Variants in STON1 observed in about 807,000 individuals in gnomAD.
The protein encoded by STON1 is stonin-1.
In STON1, 79 loss-of-function variants were observed where a neutral mutation model predicts 60.9. The ratio of observed to expected loss-of-function variants is 1.30; its 90% CI spans 1.08 to 1.56. The LOEUF (loss-of-function observed/expected upper bound fraction) is 1.56, where lower values mean the gene tolerates loss of function less well. STON1 is among the 40% of genes most tolerant of loss of function. The pLI is 0.00. For missense variants in STON1, 1,166 were observed against 858.9 expected (o/e 1.36, Z -4.47); for synonymous variants, 363 against 306.9 (o/e 1.18, Z -1.91).
At chr2:48,574,844 C>T (rs1345497330) in intron 1 of STON1, among the ~76,000 whole-genome samples, 1 of 152,150 alleles carries the variant, frequency 6.6e-6, no homozygotes, top group Non-Finnish European at 1.5e-5. Context: ...AAATGTATTT[C>T]AGTTTTATTC....
intron 1 of STON1, among the ~76,000 whole-genome samples, chr2:48,548,153 G>A (rs986830770): frequency 6.6e-6 from 1 of 152,154 alleles, no homozygotes; most frequent in South Asian, 2.1e-4. Flanking sequence ...GCTTGGCCAG[G>A]GCCTTTCTAG....
chr2:48,591,422 G>A (rs530915667), intron 2 of STON1, among the ~76,000 whole-genome samples: 4 of 151,898 alleles, frequency 2.6e-5, no homozygotes, highest in Admixed American at 1.3e-4. Context: ...ATTCAAAATA[G>A]TAATGAAGTT....
At chr2:48,584,646 G>C (rs765008557) in intron 2 of STON1, among the ~76,000 whole-genome samples, 1 of 151,184 alleles carries the variant, frequency 6.6e-6, no homozygotes, top group African/African-American at 2.4e-5. Flanking sequence ...TAATTAAATC[G>C]GAATCTCTGG....
At chr2:48,534,792 G>T (rs1234891414) in intron 1 of STON1, among the ~76,000 whole-genome samples, 1 of 152,178 alleles carries the variant, frequency 6.6e-6, no homozygotes, top group Non-Finnish European at 1.5e-5. Flanking sequence ...CTAAGAGGGG[G>T]TGAGGAGGGA....
intron 1 of STON1, among the ~76,000 whole-genome samples, chr2:48,560,304 G>A (rs146467884): frequency 5.4e-4 from 82 of 152,274 alleles, no homozygotes; most frequent in African/African-American, 1.9e-3. Context: ...ACTTGATCTC[G>A]CATCATTTTC....
intron 1 of STON1, among the ~76,000 whole-genome samples, chr2:48,533,611 A>G (rs1205393651): frequency 6.7e-6 from 1 of 148,812 alleles, no homozygotes. Flanking sequence ...GCAGGGAGCC[A>G]AGATTGTGCC....
chr2:48,578,648 G>C (rs1159634952), intron 1 of STON1, among the ~76,000 whole-genome samples: 1 of 131,600 alleles, frequency 7.6e-6, no homozygotes, highest in African/African-American at 2.9e-5. Flanking sequence ...GAGTGCAATG[G>C]TGCAATCTCA....
intron 1 of STON1, among the ~76,000 whole-genome samples, chr2:48,572,194 A>G (rs1673246179): frequency 6.6e-6 from 1 of 152,128 alleles, no homozygotes; most frequent in East Asian, 1.9e-4. Context: ...ATAAAGGAAG[A>G]TAGCAAGAGA....
chr2:48,592,375 A>T (rs1222577393), intron 3 of STON1, among the ~76,000 whole-genome samples: 2 of 151,106 alleles, frequency 1.3e-5, no homozygotes, highest in African/African-American at 2.4e-5. Flanking sequence ...TATCTTGTGG[A>T]ATAGTGTTCT....
At chr2:48,566,176 A>T (rs6741341) in intron 1 of STON1, among the ~76,000 whole-genome samples, 50,972 of 151,902 alleles carry the variant, frequency 0.34, 8,702 homozygotes, top group East Asian at 0.4. Flanking sequence ...GACTGGGCAT[A>T]TTAGTTTTTA....
intron 1 of STON1, among the ~76,000 whole-genome samples, chr2:48,565,220 T>C (rs1387187145): frequency 6.6e-6 from 1 of 151,284 alleles, no homozygotes; most frequent in Non-Finnish European, 1.5e-5. Flanking sequence ...GCCCGGCTAA[T>C]TTTTTGTATT....
chr2:48,540,591 C>G (rs1425554118), intron 1 of STON1, among the ~76,000 whole-genome samples: 4 of 152,234 alleles, frequency 2.6e-5, no homozygotes, highest in East Asian at 3.8e-4. Flanking sequence ...ATCCGCTTAT[C>G]TGTATCTTTC....
At chr2:48,565,510 A>C (rs1672903590) in intron 1 of STON1, among the ~76,000 whole-genome samples, 1 of 152,180 alleles carries the variant, frequency 6.6e-6, no homozygotes, top group Non-Finnish European at 1.5e-5. Context: ...ATAACAAAGG[A>C]GGATCCCTGA....
intron 1 of STON1, among the ~76,000 whole-genome samples, chr2:48,559,418 A>C (rs988448311): frequency 3.9e-5 from 6 of 152,262 alleles, no homozygotes; most frequent in Non-Finnish European, 8.8e-5. Context: ...AGATGGCGGA[A>C]GGGACAAACA....
In STON1 at chr2:48,581,475, G is replaced by A. The variant is rs749484847; in HGVS notation, c.842G>A (p.Arg281Lys). ...QPKSGWSFML[R>K]IPEKKNMMSS... ...AAATCCGGATGGTCTTTCATGCTGA[G>A]AATTCCTGAGAAGAAGAATATGATG... Residue 281 changes from arginine (R) to lysine (K), a missense_variant, in exon 2 of 4, where the codon AGA (arginine) becomes AAA (lysine). Arg to Lys is a conservative substitution (Grantham distance 26). Transcript: ENST00000404752. 1.9e-6 allele frequency: 3 copies of A among 1,614,106 alleles called. No individual in the cohort carries two copies. In the African/African-American group the frequency reaches 4.0e-5, roughly 22 times the overall value.
intron 3 of STON1, among the ~76,000 whole-genome samples, chr2:48,593,790 A>G (rs2103966239): frequency 6.6e-6 from 1 of 152,162 alleles, no homozygotes; most frequent in South Asian, 2.1e-4. Flanking sequence ...ATTTTTCTTT[A>G]TTTTGGACTA....
chr2:48,595,976 C>T lies in STON1; in HGVS notation c.*674C>T, dbSNP rs908720294. 2.6e-5 allele frequency: 4 copies of T among 152,332 alleles called. No homozygotes were observed. The highest frequency in any genetic ancestry group is 5.9e-5 in the Non-Finnish European group (4 of 68,048). The allele number at this position is 152,332 out of a possible 1,614,324, so 9.4% of individuals were successfully genotyped here. On this transcript the variant is annotated 3_prime_UTR_variant, in exon 4 of 4. Coordinates refer to ENST00000404752, the MANE Select transcript of STON1 (RefSeq NM_006873.4). ...CAAAGAAGCTATTTCTGTTGTCCTA[C>T]ATATTTTAGTATAAATCACTAAGAC...
In STON1 at chr2:48,556,795, G is replaced by T. The variant is rs575758867; in HGVS notation, c.-47-23792G>T. ...GACGGCACGGCTGCCCGGGCGGGGGGGCTGACCCCCCACCTCCCTCCCGGA... is the reference window on the plus strand; with the variant it reads ...GACGGCACGGCTGCCCGGGCGGGGGTGCTGACCCCCCACCTCCCTCCCGGA... On this transcript the variant is annotated intron_variant, in intron 1 of 3. Transcript: ENST00000404752. 2.5e-3 allele frequency among the ~76,000 whole-genome samples: 157 copies of T among 62,750 alleles called. 20 individuals carry two copies. Among genetic ancestry groups the T allele is most frequent in the Admixed American group, 3.8e-3 (29 of 7,548 alleles). The allele number at this position is 62,750 out of a possible 152,430, so 41.2% of individuals were successfully genotyped here. A position where few individuals can be genotyped will look rare whatever the true frequency, so the allele number is the denominator to read the frequency against.
intron 1 of STON1, among the ~76,000 whole-genome samples, chr2:48,553,390 C>A (rs796616550): frequency 2.0e-5 from 3 of 151,168 alleles, no homozygotes; most frequent in Non-Finnish European, 4.4e-5. Context: ...CCTTCCCTTC[C>A]CATCCCGTCC....
Sources: allele counts gnomAD v4.1 joint callset (sites outside exome capture counted in the v4.1 genomes callset), GRCh38; gene constraint gnomAD v4.1.1; transcripts MANE v1.5; gene names NCBI Gene and HGNC (gene_info 2026-07-23, HGNC 2026-07-21).